Variants in TMEM132D observed in about 807,000 individuals in gnomAD.
TMEM132D encodes the protein mature OL transmembrane protein.
Under a neutral mutation model 62.3 loss-of-function variants are expected in TMEM132D, and 21 were observed. The ratio of observed to expected loss-of-function variants is 0.34; its 90% CI spans 0.24 to 0.49. TMEM132D has a LOEUF of 0.49. Ranked by LOEUF, TMEM132D falls within the 20% of genes least tolerant of loss-of-function variation. The pLI is 0.99. For missense variants in TMEM132D, 1,346 were observed against 1,402.8 expected, an observed-to-expected ratio of 0.96 and a Z score of 0.65; for synonymous variants, 621 against 575.6, an observed-to-expected ratio of 1.08 and a Z score of -1.13.
At chr12:129,805,689 A>T (rs1871956204) in intron 1 of TMEM132D, among the ~76,000 whole-genome samples, 1 of 151,952 alleles carries the variant, frequency 6.6e-6, no homozygotes, top group Non-Finnish European at 1.5e-5. Context: ...AGAATTGACA[A>T]ATGGGATCTA....
At chr12:129,218,378 G>C (rs373480299) in intron 4 of TMEM132D, among the ~76,000 whole-genome samples, 108 of 152,234 alleles carry the variant, frequency 7.1e-4, no homozygotes, top group African/African-American at 2.4e-3. Flanking sequence ...AACCTAGAAG[G>C]CAGAGCATAC....
At chr12:129,763,428 C>T (rs1310933679) in intron 1 of TMEM132D, among the ~76,000 whole-genome samples, 2 of 72,012 alleles carry the variant, frequency 2.8e-5, no homozygotes, top group Non-Finnish European at 2.5e-5. Flanking sequence ...ATCTAGATTT[C>T]TGGCTTTTTT....
chr12:129,640,307 C>T (rs568558599), intron 2 of TMEM132D, among the ~76,000 whole-genome samples: 13 of 152,258 alleles, frequency 8.5e-5, no homozygotes, highest in South Asian at 6.2e-4. Flanking sequence ...AACATAAAAG[C>T]GTGGATTTTC....
At chr12:129,585,112 C>T (rs771823107) in intron 2 of TMEM132D, among the ~76,000 whole-genome samples, 3 of 152,164 alleles carry the variant, frequency 2.0e-5, no homozygotes, top group Non-Finnish European at 4.4e-5. Flanking sequence ...CTGATCAATA[C>T]ACAGTGTCTT....
At chr12:129,707,089 G>T (rs1048166913) in intron 1 of TMEM132D, among the ~76,000 whole-genome samples, 6 of 148,980 alleles carry the variant, frequency 4.0e-5, no homozygotes, top group Non-Finnish European at 7.4e-5. Context: ...AACAAAAGTA[G>T]GAAAATAACA....
chr12:129,538,831 A>G (rs4759587), intron 2 of TMEM132D, among the ~76,000 whole-genome samples: 29,129 of 54,724 alleles, frequency 0.53, 8,739 homozygotes, highest in East Asian at 0.93. Flanking sequence ...GACCCCTGGC[A>G]ATAGGTCAGA....
At chr12:129,417,474 G>T (rs1048339000) in intron 3 of TMEM132D, among the ~76,000 whole-genome samples, 1 of 152,286 alleles carries the variant, frequency 6.6e-6, no homozygotes, top group East Asian at 1.9e-4. Context: ...TTAATAAATG[G>T]TTCTGGGAAA....
chr12:129,655,019 C>T (rs562460386), intron 2 of TMEM132D, among the ~76,000 whole-genome samples: 55 of 152,088 alleles, frequency 3.6e-4, no homozygotes, highest in African/African-American at 1.2e-3. Flanking sequence ...ACGATCTCAG[C>T]TCACTGCAAC....
intron 1 of TMEM132D, among the ~76,000 whole-genome samples, chr12:129,807,427 G>C (rs1872029277): frequency 1.3e-5 from 2 of 152,146 alleles, no homozygotes; most frequent in African/African-American, 4.8e-5. Context: ...AAGTTCACAG[G>C]TGGGCAGACA....
intron 3 of TMEM132D, among the ~76,000 whole-genome samples, chr12:129,480,191 G>T (rs976028432): frequency 2.6e-5 from 4 of 152,254 alleles, no homozygotes; most frequent in African/African-American, 9.6e-5. Flanking sequence ...AGAAGCCCTA[G>T]TGTGTGCAAG....
At chr12:129,168,624 C>T (rs1434114330) in intron 5 of TMEM132D, among the ~76,000 whole-genome samples, 1 of 152,158 alleles carries the variant, frequency 6.6e-6, no homozygotes, top group Non-Finnish European at 1.5e-5. Context: ...AGTTCACCTC[C>T]CCCAGGGGGG....
At chr12:129,355,362 A>C (rs1437452765) in intron 3 of TMEM132D, among the ~76,000 whole-genome samples, 4 of 142,654 alleles carry the variant, frequency 2.8e-5, no homozygotes, top group African/African-American at 1.0e-4. Flanking sequence ...ATCAAACCTC[A>C]CTCTGCAACC....
intron 5 of TMEM132D, among the ~76,000 whole-genome samples, chr12:129,174,907 C>T (rs1877859235): frequency 6.6e-6 from 1 of 152,030 alleles, no homozygotes; most frequent in African/African-American, 2.4e-5. Context: ...TGTCCTTTGC[C>T]CATTTTTTGA....
At chr12:129,370,817 C>A (rs1870573276) in intron 3 of TMEM132D, among the ~76,000 whole-genome samples, 1 of 152,068 alleles carries the variant, frequency 6.6e-6, no homozygotes, top group African/African-American at 2.4e-5. Context: ...CATGTGGGAG[C>A]AGACATAGTG....
intron 3 of TMEM132D, among the ~76,000 whole-genome samples, chr12:129,359,651 G>C (rs1870182624): frequency 6.6e-6 from 1 of 152,118 alleles, no homozygotes; most frequent in Admixed American, 6.6e-5. Context: ...GGCCTTAACT[G>C]TATAAGAAAT....
chr12:129,197,083 T>C (rs944884990), intron 5 of TMEM132D, among the ~76,000 whole-genome samples: 6 of 152,198 alleles, frequency 3.9e-5, no homozygotes, highest in Non-Finnish European at 7.3e-5. Context: ...ATATGATTTC[T>C]CTCACAACAG....
chr12:129,512,173 C>T (rs1389329446), intron 3 of TMEM132D, among the ~76,000 whole-genome samples: 1 of 152,190 alleles, frequency 6.6e-6, no homozygotes, highest in Non-Finnish European at 1.5e-5. Flanking sequence ...TAGAAAGCTG[C>T]CTCTTACCCC....
rs2135610969 is a variant in TMEM132D at position 129,078,548 on chromosome 12, G to A, written c.2101C>T (p.Gln701Ter). The change falls in exon 8 of 9, where the codon CAG becomes TAG. Residue 701 changes from glutamine (Q) to a stop codon, truncating the protein, a stop_gained. Coordinates refer to ENST00000422113, the MANE Select transcript of TMEM132D (RefSeq NM_133448.3). LOFTEE classifies it low-confidence loss of function (END_TRUNC). ...FATAVAQELL[Q>*]RPKQEAAISC... ...CTCCTCCATACCTGTTTTGGCCTCT[G>A]CAGAAGTTCCTGAGCCACTGCAGTG... 1.2e-6 allele frequency: 2 copies of A among 1,613,804 alleles called. No homozygotes were observed. The highest frequency in any genetic ancestry group is 1.3e-5 in the African/African-American group (1 of 75,036).
At chr12:129,578,849 A>G (rs2137124930) in intron 2 of TMEM132D, among the ~76,000 whole-genome samples, 1 of 152,216 alleles carries the variant, frequency 6.6e-6, no homozygotes, top group South Asian at 2.1e-4. Flanking sequence ...GTTGGAGCAT[A>G]CTCACCCACT....
Sources: gnomAD v4.1 joint callset for allele counts (sites outside exome capture counted in the v4.1 genomes callset) on GRCh38, gnomAD v4.1.1 for gene constraint, MANE v1.5 for transcripts, NCBI Gene and HGNC (gene_info 2026-07-23, HGNC 2026-07-21) for gene names.